Variants in RASA2 observed in about 807,000 individuals in gnomAD.
RASA2 encodes RAS p21 protein activator 2.
RASA2 carries 155 observed loss-of-function variants against 118.2 expected under a neutral mutation model. The ratio of observed to expected loss-of-function variants is 1.31; its 90% CI spans 1.15 to 1.50. RASA2 has a LOEUF of 1.50. RASA2 is among the 40% of genes most tolerant of loss of function. The pLI is 0.00. For missense variants in RASA2, 1,016 were observed against 1,009.6 expected (o/e 1.01, Z -0.09); for synonymous variants, 353 against 349.1 (o/e 1.01, Z -0.12).
chr3:141,583,668 A>T (rs1350748450), intron 17 of RASA2, among the ~76,000 whole-genome samples: 2 of 152,158 alleles, frequency 1.3e-5, no homozygotes, highest in Admixed American at 6.5e-5. Context: ...ATTTTCTCCC[A>T]GCAAACAGAA....
At chr3:141,495,993 A>C (rs941175916) in intron 1 of RASA2, among the ~76,000 whole-genome samples, 1 of 152,208 alleles carries the variant, frequency 6.6e-6, no homozygotes, top group African/African-American at 2.4e-5. Flanking sequence ...AAAACATTTT[A>C]CTTTTCTGCA....
rs1193078710 is a variant in RASA2 at position 141,487,099 on chromosome 3, C to CCTG, written c.24_26dup (p.Ala11dup). Reference sequence around the variant, plus strand: ...GGGCGGCACCATGGCGGCGGCGGCGCCTGCTGCTGCGGCGGCTTCTTCCGA... The same window carrying CCTG: ...GGGCGGCACCATGGCGGCGGCGGCGCCTGCTGCTGCTGCGGCGGCTTCTTCCGA... On this transcript the variant is annotated inframe_insertion, in exon 1 of 24. Transcript: ENST00000286364. 8 of 1,388,848 alleles carry CCTG rather than the reference C, an allele frequency of 5.8e-6. No homozygotes were observed. Among genetic ancestry groups the CCTG allele is most frequent in the South Asian group, 1.5e-5 (1 of 67,916 alleles). 86.0% of individuals were successfully genotyped at this position (1,388,848 alleles called of 1,614,324 possible). A position where few individuals can be genotyped will look rare whatever the true frequency, so the allele number is the denominator to read the frequency against.
At chr3:141,561,264 A>G (rs930149505) in intron 9 of RASA2, among the ~76,000 whole-genome samples, 1 of 152,200 alleles carries the variant, frequency 6.6e-6, no homozygotes, top group Non-Finnish European at 1.5e-5. Context: ...TACAGAAGAG[A>G]AAAACACGTT....
chr3:141,518,274 CAGG>C (rs1285672399), intron 3 of RASA2, among the ~76,000 whole-genome samples: 1 of 151,288 alleles, frequency 6.6e-6, no homozygotes, highest in Admixed American at 6.6e-5. Flanking sequence ...ATCACGAGGT[CAGG>C]AGTTCAAGAC....
At chr3:141,503,993 G>A (rs2081825193) in intron 1 of RASA2, among the ~76,000 whole-genome samples, 1 of 152,118 alleles carries the variant, frequency 6.6e-6, no homozygotes, top group Admixed American at 6.5e-5. Context: ...TTTGTGATGT[G>A]GTATTGGAAC....
At position 141,570,934 on chromosome 3, in the gene RASA2, A is replaced by G. The variant is rs1212609730; in HGVS notation, c.886A>G (p.Asn296Asp). 6.8e-6 allele frequency: 11 copies of G among 1,608,602 alleles called. No individual in the cohort carries two copies. The highest frequency in any genetic ancestry group is 5.6e-5 in the South Asian group (5 of 89,742). ...TAGGTACTTGCTACAGCCAAGAGAC[A>G]ATGGAAACAAGTCATCCAAAACTGA... ...QAWYLLQPRD[N>D]GNKSSKTDDL... Residue 296 changes from asparagine to aspartate, a missense_variant, in exon 10 of 24, where the codon AAT (asparagine) becomes GAT (aspartate). Around this residue, in one of 2 missense-constraint regions of RASA2, gnomAD observed 896 missense variants for 836.4 expected, o/e 1.07. Coordinates refer to ENST00000286364, the MANE Select transcript of RASA2 (RefSeq NM_006506.5).
chr3:141,505,079 C>T (rs150313163), intron 1 of RASA2, among the ~76,000 whole-genome samples: 1 of 152,334 alleles, frequency 6.6e-6, no homozygotes, highest in East Asian at 1.9e-4. Context: ...CCTGTCTCTA[C>T]CCTCTGGGCC....
chr3:141,580,085 A>AAAAAAATAT (rs1553797703), intron 15 of RASA2, among the ~76,000 whole-genome samples: 6 of 59,612 alleles, frequency 1.0e-4, no homozygotes, highest in African/African-American at 2.0e-4. Context: ...AAAAAAAAAA[A>AAAAAAATAT]ATATATATAT....
chr3:141,548,354 A>C (rs951339788), intron 5 of RASA2, among the ~76,000 whole-genome samples: 2 of 152,014 alleles, frequency 1.3e-5, no homozygotes, highest in African/African-American at 4.8e-5. Flanking sequence ...CTTCAATTTC[A>C]TTACTTGTTA....
chr3:141,570,977 G>T lies in RASA2; in HGVS notation c.929G>T (p.Arg310Leu). ...SSKTDDLGSL[R>L]LNICYTEDYV... ...AAAACTGATGACCTGGGGTCTCTTC[G>T]ATTAAATATATGTTATACAGAAGAC... is the stretch of plus-strand genomic sequence containing the variant. Residue 310 changes from arginine to leucine, a missense_variant, in exon 10 of 24, where the codon CGA becomes CTA. Physicochemically the swap from Arg to Leu is moderately radical, Grantham distance 102 (BLOSUM62 -2). Transcript: ENST00000286364. The T allele has an allele frequency of 6.2e-7, 1 of 1,612,336 alleles. No homozygotes were observed. Among genetic ancestry groups the T allele is most frequent in the Non-Finnish European group, 8.5e-7 (1 of 1,179,082 alleles).
At chr3:141,588,853 T>A (rs150941091) in intron 19 of RASA2, among the ~76,000 whole-genome samples, 1,665 of 152,144 alleles carry the variant, frequency 0.011, 31 homozygotes, top group African/African-American at 0.032. Flanking sequence ...TTTTATTTTT[T>A]TTTTTTGAGA....
chr3:141,517,890 C>T (rs1342146265), intron 3 of RASA2, among the ~76,000 whole-genome samples: 3 of 151,862 alleles, frequency 2.0e-5, no homozygotes, highest in African/African-American at 7.3e-5. Context: ...CTCCTGACCT[C>T]GTGATCTGCC....
intron 6 of RASA2, among the ~76,000 whole-genome samples, chr3:141,555,163 A>C (rs370371462): frequency 3.9e-5 from 6 of 152,220 alleles, no homozygotes; most frequent in African/African-American, 1.4e-4. Flanking sequence ...CGGGAGGCTG[A>C]GGCAGGAGAA....
intron 19 of RASA2, among the ~76,000 whole-genome samples, chr3:141,605,542 G>A (rs2107798552): frequency 6.6e-6 from 1 of 152,204 alleles, no homozygotes; most frequent in South Asian, 2.1e-4. Context: ...AATTTTCAGG[G>A]TATGTGCATT....
At position 141,487,053 on chromosome 3, in the gene RASA2, G is replaced by T. The variant is rs2081583969; in HGVS notation, c.-31G>T. ...CTCCGCCTCGCCCGGCTACGCAGGC[G>T]GCAGGGCTGCGGCACGGGCCGGGCG... On this transcript the variant is annotated 5_prime_UTR_variant, in exon 1 of 24. Transcript: ENST00000286364. 8.2e-7 allele frequency: 1 copy of T among 1,220,928 alleles called. No homozygotes were observed. Among genetic ancestry groups the T allele is most frequent in the Admixed American group, 4.7e-5 (1 of 21,386 alleles). The allele number at this position is 1,220,928 out of a possible 1,614,324, so 75.6% of individuals were successfully genotyped here.
chr3:141,571,997 G>T (rs2082928243), intron 11 of RASA2, among the ~76,000 whole-genome samples: 5 of 128,752 alleles, frequency 3.9e-5, no homozygotes, highest in African/African-American at 8.6e-5. Flanking sequence ...CACATTTTTG[G>T]TTCATAAACA....
At chr3:141,561,296 A>G (rs1161227080) in intron 9 of RASA2, among the ~76,000 whole-genome samples, 2 of 152,228 alleles carry the variant, frequency 1.3e-5, no homozygotes, top group Admixed American at 6.5e-5. Context: ...GGGTCCCTCA[A>G]AATGAACTTG....
chr3:141,610,579 C>T (rs1163265963), intron 23 of RASA2, among the ~76,000 whole-genome samples: 7 of 149,342 alleles, frequency 4.7e-5, no homozygotes, highest in Non-Finnish European at 1.0e-4. Context: ...TAACCTCCAA[C>T]TCCTGGGCTC....
intron 19 of RASA2, among the ~76,000 whole-genome samples, chr3:141,596,480 A>G (rs1380939344): frequency 1.3e-5 from 2 of 152,230 alleles, no homozygotes; most frequent in East Asian, 1.9e-4. Flanking sequence ...AAAATATTTG[A>G]TAAATTGGAT....
Sources: gnomAD v4.1 joint callset for allele counts (sites outside exome capture counted in the v4.1 genomes callset) on GRCh38, gnomAD v4.1.1 for gene constraint, gnomAD v4.1.1 regional missense constraint, MANE v1.5 for transcripts, NCBI Gene and HGNC (gene_info 2026-07-23, HGNC 2026-07-21) for gene names.